SRP54: variants seen among roughly 807,000 people sequenced by gnomAD.
SRP54 encodes the protein signal recognition particle subunit SRP54.
Under a neutral mutation model 64.8 loss-of-function variants are expected in SRP54, and 10 were observed. That is an observed-to-expected ratio of 0.15 (90% confidence interval 0.10 to 0.26). The LOEUF (loss-of-function observed/expected upper bound fraction) is 0.26, where lower values mean the gene tolerates loss of function less well. SRP54 is among the 10% of genes least tolerant of loss of function. The probability of loss-of-function intolerance (pLI) is 1.00; values close to 1 mark genes in which losing one functional copy is unlikely to be tolerated. For missense variants in SRP54, 325 were observed against 613.7 expected (o/e 0.53, Z 4.97); for synonymous variants, 193 against 185.6 (o/e 1.04, Z -0.32).
intron 1 of SRP54, among the ~76,000 whole-genome samples, chr14:34,983,723 T>C (rs1055458562): frequency 6.6e-5 from 10 of 152,246 alleles, no homozygotes; most frequent in Admixed American, 2.0e-4. Context: ...CTGCCTTTCT[T>C]CATGCTATCC....
chr14:35,025,632 A>G (rs935294593), intron 14 of SRP54, among the ~76,000 whole-genome samples: 3 of 152,220 alleles, frequency 2.0e-5, no homozygotes, highest in African/African-American at 7.2e-5. Context: ...AACTTGAAAT[A>G]CTTTTTAGAA....
chr14:35,008,520 C>A, intron 5 of SRP54, 107 bp from the exon 6 acceptor site: 1 of 618,860 alleles, frequency 1.6e-6, no homozygotes, highest in Non-Finnish European at 2.4e-6. Flanking sequence ...GAATTATAAG[C>A]AGTTTTATTT....
chr14:35,026,943 A>C (rs191266617), intron 14 of SRP54, among the ~76,000 whole-genome samples: 3 of 152,216 alleles, frequency 2.0e-5, no homozygotes, highest in Admixed American at 6.5e-5. Context: ...ACTCCATCTC[A>C]AAAACAAAAC....
Position 34,988,578 on chromosome 14 carries a change from A to AATATATAT in SRP54, c.-34+5373_-34+5380dup, listed in dbSNP as rs1555352766. On this transcript the variant is annotated intron_variant, in intron 1 of 15. Transcript: ENST00000216774. The stretch of plus-strand genomic sequence containing the variant: ...TCCATCTCAAAAAAAAAAAAAAAAA[A>AATATATAT]ATATATATATATATATAACATATAT... 3.8e-3 allele frequency among the ~76,000 whole-genome samples: 179 copies of AATATATAT among 47,000 alleles called. 22 individuals carry two copies. The highest frequency in any genetic ancestry group is 6.1e-3 in the Non-Finnish European group (127 of 20,786). The allele number at this position is 47,000 out of a possible 152,430, so 30.8% of individuals were successfully genotyped here.
chr14:35,007,199 A>T, intron 4 of SRP54, 84 bp from the exon 5 acceptor site: 2 of 878,740 alleles, frequency 2.3e-6, no homozygotes, highest in Non-Finnish European at 3.4e-6. Flanking sequence ...GTCTCAAAAA[A>T]GGAAAAAAAA....
chr14:35,000,562 CAAAAAAAA>C (rs59878870), intron 3 of SRP54, among the ~76,000 whole-genome samples: 25,821 of 122,056 alleles, frequency 0.21, 2,364 homozygotes, highest in East Asian at 0.32. Flanking sequence ...GAGACTGTCT[CAAAAAAAA>C]AAAAAGAAAA....
chr14:35,026,669 G>A (rs914756889), intron 14 of SRP54, among the ~76,000 whole-genome samples: 1 of 152,150 alleles, frequency 6.6e-6, no homozygotes, highest in South Asian at 2.1e-4. Flanking sequence ...TTCTGGCCAG[G>A]CGCTGTGGCC....
intron 4 of SRP54, among the ~76,000 whole-genome samples, chr14:35,003,828 G>T (rs1479191199): frequency 6.6e-6 from 1 of 151,858 alleles, no homozygotes; most frequent in Non-Finnish European, 1.5e-5. Flanking sequence ...GAGTTACTCG[G>T]GAGGGTAAGG....
intron 4 of SRP54, among the ~76,000 whole-genome samples, chr14:35,002,338 G>T (rs2044187156): frequency 6.6e-6 from 1 of 151,878 alleles, no homozygotes; most frequent in African/African-American, 2.4e-5. Context: ...TGGGGGAGAG[G>T]GTGAGACCCT....
intron 11 of SRP54, among the ~76,000 whole-genome samples, chr14:35,015,585 A>G (rs2044425499): frequency 6.6e-6 from 1 of 151,972 alleles, no homozygotes; most frequent in African/African-American, 2.4e-5. Flanking sequence ...CTTAGCCTCA[A>G]TTTTGTCATC....
chr14:35,007,005 A>G (rs1006413597), intron 4 of SRP54, among the ~76,000 whole-genome samples: 5 of 152,194 alleles, frequency 3.3e-5, no homozygotes, highest in Non-Finnish European at 7.3e-5. Context: ...CCTGGGCAAC[A>G]TGGCAAGACC....
intron 1 of SRP54, among the ~76,000 whole-genome samples, chr14:34,987,743 C>T (rs537168069): frequency 6.6e-6 from 1 of 152,232 alleles, no homozygotes; most frequent in East Asian, 1.9e-4. Context: ...TCTGACCATT[C>T]ATGTACAAGT....
chr14:35,010,146 T>TA lies in SRP54; in HGVS notation c.485+1326dup, dbSNP rs990188140. ...CTGGGTGACAGAGCTAGACACCGTT[T>TA]AAAAAAAAAAATTTTTTTAGGCCGG... On this transcript the variant is annotated intron_variant, in intron 7 of 15. Coordinates refer to ENST00000216774, the MANE Select transcript of SRP54 (RefSeq NM_003136.4). Among the ~76,000 whole-genome samples the TA allele has an allele frequency of 4.0e-3, 597 of 149,124 alleles. 5 individuals carry two copies. The highest frequency in any genetic ancestry group is 0.014 in the African/African-American group (571 of 40,704).
rs1425300888 is a variant in SRP54 at position 35,029,501 on chromosome 14, G to A, written c.*349G>A. 1.7e-5 allele frequency: 3 copies of A among 173,330 alleles called. No homozygotes were observed. The highest frequency in any genetic ancestry group is 6.2e-5 in the Admixed American group (1 of 16,076). The allele number at this position is 173,330 out of a possible 1,614,324, so 10.7% of individuals were successfully genotyped here. ...AAGCATTGCATTTGTAAACAGTCCTGGTCAGTAGTTAAATAATGTTTCAAT... is the reference window on the plus strand; with the variant it reads ...AAGCATTGCATTTGTAAACAGTCCTAGTCAGTAGTTAAATAATGTTTCAAT... On this transcript the variant is annotated 3_prime_UTR_variant, in exon 16 of 16. Transcript: ENST00000216774.
chr14:34,995,099 T>C, intron 1 of SRP54, among the ~76,000 whole-genome samples: 1 of 150,070 alleles, frequency 6.7e-6, no homozygotes, highest in Admixed American at 6.7e-5. Context: ...TCCTTTTTTT[T>C]TTTTTCTTGT....
rs150166786 is a variant in SRP54, at chr14:34,995,922, G to A, written c.-33-755G>A. Among the ~76,000 whole-genome samples, 949 of 152,078 alleles carry A rather than the reference G, an allele frequency of 6.2e-3. 13 individuals carry two copies. The highest frequency in any genetic ancestry group is 0.022 in the African/African-American group (901 of 41,482). ...TCTCTACAGATAATAAAAATTAGCTGGGCATGGTGGCATGCACCTGTGGTC... is the reference window on the plus strand; with the variant it reads ...TCTCTACAGATAATAAAAATTAGCTAGGCATGGTGGCATGCACCTGTGGTC... On this transcript the variant is annotated intron_variant, in intron 1 of 15. Transcript: ENST00000216774.
rs1215585841 is a variant in SRP54 at position 35,018,680 on chromosome 14, A to T, written c.974-12A>T. ...ACTTTAATATATCCGAATTATTTAC[A>T]TTGTATTTCAGGTCAGTTTACGTTG... On this transcript the variant is annotated splice_polypyrimidine_tract_variant and intron_variant, in intron 11 of 15. Transcript: ENST00000216774. 1.9e-6 allele frequency: 3 copies of T among 1,601,802 alleles called. No individual in the cohort carries two copies. Among genetic ancestry groups the T allele is most frequent in the Admixed American group, 3.5e-5 (2 of 57,532 alleles).
rs150304542 is a variant in SRP54, at chr14:34,988,045, T to A, written c.-34+4830T>A. Reference sequence around the variant, plus strand: ...CAATCCATATTAATATATACCAGATTATTATTGGTTGTTACCATGGTATGG... The same window carrying A: ...CAATCCATATTAATATATACCAGATAATTATTGGTTGTTACCATGGTATGG... On this transcript the variant is annotated intron_variant, in intron 1 of 15. Coordinates refer to ENST00000216774, the MANE Select transcript of SRP54 (RefSeq NM_003136.4). 4.5e-3 allele frequency among the ~76,000 whole-genome samples: 687 copies of A among 152,274 alleles called. 11 individuals carry two copies. The highest frequency in any genetic ancestry group is 0.016 in the African/African-American group (646 of 41,570).
chr14:35,011,290 G>A (rs1410351179), intron 7 of SRP54, among the ~76,000 whole-genome samples: 1 of 152,154 alleles, frequency 6.6e-6, no homozygotes, highest in African/African-American at 2.4e-5. Flanking sequence ...AAGACATGCA[G>A]TAGAATCATA....
Sources: allele counts gnomAD v4.1 joint callset (sites outside exome capture counted in the v4.1 genomes callset), GRCh38; gene constraint gnomAD v4.1.1; transcripts MANE v1.5; gene names NCBI Gene and HGNC (gene_info 2026-07-23, HGNC 2026-07-21).